The following LUC7L2 variants were observed in gnomAD, a reference collection of about 807,000 sequenced individuals.
LUC7L2 encodes the protein LUC7 like 2, pre-mRNA splicing factor.
In LUC7L2, 25 loss-of-function variants were observed where a neutral mutation model predicts 52.8. The ratio of observed to expected loss-of-function variants is 0.47; its 90% CI spans 0.34 to 0.66. The LOEUF (loss-of-function observed/expected upper bound fraction) is 0.66. Ranked by LOEUF, LUC7L2 falls within the 30% of genes least tolerant of loss-of-function variation. The pLI is 0.01. For missense variants in LUC7L2, 328 were observed against 497.8 expected (o/e 0.66, Z 3.25); for synonymous variants, 144 against 160.9 (o/e 0.89, Z 0.80).
At chr7:139,345,088 CTTTA>C (rs971114383) in intron 1 of LUC7L2, 2 of 160,496 alleles carry the variant, frequency 1.2e-5, no homozygotes, top group African/African-American at 4.8e-5. Flanking sequence ...TAAAGCAGTC[CTTTA>C]TTTGCTTGAA....
At chr7:139,382,805 T>C (rs1801104772) in intron 2 of LUC7L2, among the ~76,000 whole-genome samples, 1 of 152,254 alleles carries the variant, frequency 6.6e-6, no homozygotes, top group Non-Finnish European at 1.5e-5. Context: ...CCGGGTTTTA[T>C]CCCAGGTGCA....
exon 1 of LUC7L2, chr7:139,340,499 C>T: frequency 2.5e-6 from 1 of 398,568 alleles, no homozygotes. Flanking sequence ...ACGTCCGGAG[C>T]ATCGGTGCAG....
chr7:139,387,037 A>G (rs1294312843), intron 2 of LUC7L2, among the ~76,000 whole-genome samples: 1 of 151,400 alleles, frequency 6.6e-6, no homozygotes, highest in Non-Finnish European at 1.5e-5. Context: ...ACAGGGTTTC[A>G]CCATGTTGGC....
At chr7:139,411,308 TGAG>T (rs975852600) in intron 7 of LUC7L2, among the ~76,000 whole-genome samples, 3 of 152,090 alleles carry the variant, frequency 2.0e-5, no homozygotes, top group East Asian at 1.9e-4. Flanking sequence ...GTATGGAAGA[TGAG>T]GAAATTAGAA....
At chr7:139,388,232 T>C (rs181746063) in intron 2 of LUC7L2, among the ~76,000 whole-genome samples, 8 of 152,324 alleles carry the variant, frequency 5.3e-5, no homozygotes, top group Non-Finnish European at 1.0e-4. Flanking sequence ...AGACCTCTTG[T>C]TTTAACTTTT....
intron 3 of LUC7L2, among the ~76,000 whole-genome samples, chr7:139,399,917 A>G (rs1790854594): frequency 7.1e-6 from 1 of 140,292 alleles, no homozygotes; most frequent in South Asian, 2.2e-4. Flanking sequence ...TTTTGCATAT[A>G]TATAATCAGC....
intron 1 of LUC7L2, among the ~76,000 whole-genome samples, chr7:139,347,390 C>G (rs1398913526): frequency 6.6e-6 from 1 of 152,118 alleles, no homozygotes; most frequent in Non-Finnish European, 1.5e-5. Context: ...GAGTTCCAGA[C>G]CAGCCTGACC....
chr7:139,363,726 A>C (rs1223932118), intron 1 of LUC7L2, among the ~76,000 whole-genome samples: 1 of 152,146 alleles, frequency 6.6e-6, no homozygotes, highest in African/African-American at 2.4e-5. Context: ...GAAAGCAGGG[A>C]GGAGTTGCAC....
At chr7:139,399,558 C>A (rs1447653326) in intron 3 of LUC7L2, among the ~76,000 whole-genome samples, 1 of 146,578 alleles carries the variant, frequency 6.8e-6, no homozygotes, top group Admixed American at 7.0e-5. Flanking sequence ...CAACCTCTGC[C>A]TCCCGGGTTC....
intron 1 of LUC7L2, among the ~76,000 whole-genome samples, chr7:139,361,424 CAT>C (rs1799876229): frequency 6.6e-6 from 1 of 152,230 alleles, no homozygotes; most frequent in Non-Finnish European, 1.5e-5. Context: ...TTTTAATTTA[CAT>C]GAGTGCTTTA....
rs1794945127 is a variant in LUC7L2, at chr7:139,402,193, C to T, written c.312C>T (p.Ala104=). 1.9e-6 allele frequency: 3 copies of T among 1,609,056 alleles called. No homozygotes were observed. Among genetic ancestry groups the T allele is most frequent in the Non-Finnish European group, 1.7e-6 (2 of 1,178,104 alleles). ...ATTGTGATCGTAGAACAGAAGTGGCCAAGAAAAGATTAGCAGAAACTCAAG... is the reference window on the plus strand; with the variant it reads ...ATTGTGATCGTAGAACAGAAGTGGCTAAGAAAAGATTAGCAGAAACTCAAG... ...IADCDRRTEV[A]KKRLAETQEE... is the part of the protein sequence containing the mutation. The change falls in exon 4 of 10, where the codon GCC becomes GCT. Residue 104 remains alanine, a synonymous_variant. Transcript: ENST00000354926.
intron 8 of LUC7L2, chr7:139,416,040 A>T (rs939715231): frequency 6.1e-5 from 6 of 97,844 alleles, no homozygotes; most frequent in Admixed American, 1.3e-4. Context: ...TGAGGTATAA[A>T]ATATATATAT....
intron 1 of LUC7L2, among the ~76,000 whole-genome samples, chr7:139,350,168 C>G (rs1360203838): frequency 6.6e-6 from 1 of 152,104 alleles, no homozygotes; most frequent in Non-Finnish European, 1.5e-5. Flanking sequence ...GTGGCCCAGG[C>G]TGGAGTGCAG....
chr7:139,376,329 A>G (rs1800707752), intron 2 of LUC7L2, among the ~76,000 whole-genome samples, 173 bp downstream of exon 2: 2 of 151,882 alleles, frequency 1.3e-5, no homozygotes, highest in South Asian at 4.1e-4. Context: ...TTTCCTCACA[A>G]AAGTGGTTGA....
intron 2 of LUC7L2, among the ~76,000 whole-genome samples, chr7:139,395,022 C>T (rs1338739406): frequency 6.6e-6 from 1 of 152,062 alleles, no homozygotes; most frequent in African/African-American, 2.4e-5. Flanking sequence ...TGTAAAAGTT[C>T]CCCAGGTCTA....
At chr7:139,374,938 T>C in intron 1 of LUC7L2, 2 of 989,846 alleles carry the variant, frequency 2.0e-6, no homozygotes, top group Non-Finnish European at 2.4e-6. Context: ...TTTGGAGTGC[T>C]CCAGGCATAT....
intron 1 of LUC7L2, among the ~76,000 whole-genome samples, chr7:139,373,192 ATTG>A (rs2131207580): frequency 6.6e-6 from 1 of 152,300 alleles, no homozygotes; most frequent in South Asian, 2.1e-4. Context: ...TTTAAAAATT[ATTG>A]TTGGTTTAGC....
Position 139,377,197 on chromosome 7 carries a change from C to CTTTA in LUC7L2, c.156+1057_156+1060dup, listed in dbSNP as rs755032754. 9.0e-4 allele frequency among the ~76,000 whole-genome samples: 137 copies of CTTTA among 152,096 alleles called. 1 individual carries two copies. Among genetic ancestry groups the CTTTA allele is most frequent in the Non-Finnish European group, 1.7e-3 (117 of 67,986 alleles). On this transcript the variant is annotated intron_variant, in intron 2 of 9. Transcript: ENST00000354926. ...TAATAAATATAATAAACTCTAAACTCTTTATTTATTTATTTATTTTTTCTG... is the reference window on the plus strand; with the variant it reads ...TAATAAATATAATAAACTCTAAACTCTTTATTTATTTATTTATTTATTTTTTCTG...
At chr7:139,352,839 G>A (rs1444696152) in intron 1 of LUC7L2, among the ~76,000 whole-genome samples, 2 of 152,212 alleles carry the variant, frequency 1.3e-5, no homozygotes, top group African/African-American at 4.8e-5. Context: ...AGTCTGTAAA[G>A]TAAGTTTTAA....
Sources: gnomAD v4.1 joint callset for allele counts (sites outside exome capture counted in the v4.1 genomes callset) on GRCh38, gnomAD v4.1.1 for gene constraint, MANE v1.5 for transcripts, NCBI Gene and HGNC (gene_info 2026-07-23, HGNC 2026-07-21) for gene names.